PLD1: variants seen among roughly 807,000 people sequenced by gnomAD.
PLD1 encodes the protein choline phosphatase 1.
Under a neutral mutation model 137.1 loss-of-function variants are expected in PLD1, and 112 were observed. The ratio of observed to expected loss-of-function variants is 0.82; its 90% confidence interval spans 0.70 to 0.96. PLD1 has a LOEUF of 0.96. Ranked by LOEUF, PLD1 falls within the 40% of genes least tolerant of loss-of-function variation. PLD1 has a pLI of 0.00. For missense variants in PLD1, 1,321 were observed against 1,342.0 expected (o/e 0.98, Z 0.24); for synonymous variants, 431 against 454.7 (o/e 0.95, Z 0.66).
intron 1 of PLD1, among the ~76,000 whole-genome samples, chr3:171,768,328 C>G (rs1319560276): frequency 2.8e-4 from 43 of 152,254 alleles, no homozygotes. Context: ...CACACAAGCA[C>G]CTGGTTCTTG....
At chr3:171,629,646 T>C (rs1734483477) in intron 23 of PLD1, among the ~76,000 whole-genome samples, 1 of 151,902 alleles carries the variant, frequency 6.6e-6, no homozygotes, top group East Asian at 1.9e-4. Flanking sequence ...AACAGCATGG[T>C]ACTGGTACCA....
chr3:171,762,669 G>T (rs1201819500), intron 1 of PLD1, among the ~76,000 whole-genome samples: 1 of 152,204 alleles, frequency 6.6e-6, no homozygotes, highest in Non-Finnish European at 1.5e-5. Flanking sequence ...AGAGAGGAAG[G>T]GGTATGGTGG....
chr3:171,654,638 A>G (rs959525270), intron 21 of PLD1, among the ~76,000 whole-genome samples: 4 of 152,182 alleles, frequency 2.6e-5, no homozygotes, highest in African/African-American at 9.7e-5. Context: ...TGGCTTAGTC[A>G]AACATGGCAT....
chr3:171,717,873 T>C (rs1455778785), intron 8 of PLD1, among the ~76,000 whole-genome samples: 11 of 152,236 alleles, frequency 7.2e-5, no homozygotes, highest in Admixed American at 6.5e-4. Context: ...TTGTCATAGA[T>C]GGCTCTTATT....
chr3:171,679,376 A>C lies in PLD1; in HGVS notation c.1868-1682T>G, dbSNP rs574474475. On this transcript the variant is annotated intron_variant, in intron 16 of 26. Transcript: ENST00000351298. ...TTCTATTGACTTCTCCCAGTGATTT[A>C]TTTTCCTGCTTTATGAGACTGAAAG... Among the ~76,000 whole-genome samples the C allele has an allele frequency of 3.3e-5, 5 of 152,254 alleles. No homozygotes were observed. In the South Asian group the frequency reaches 1.0e-3, roughly 32 times the overall value.
intron 23 of PLD1, among the ~76,000 whole-genome samples, chr3:171,640,833 C>T (rs569980022): frequency 6.6e-6 from 1 of 152,372 alleles, no homozygotes; most frequent in South Asian, 2.1e-4. Flanking sequence ...AGGGGATCTC[C>T]TTCCTCAGCT....
At chr3:171,713,683 C>T (rs1717440717) in intron 9 of PLD1, among the ~76,000 whole-genome samples, 1 of 152,148 alleles carries the variant, frequency 6.6e-6, no homozygotes, top group African/African-American at 2.4e-5. Context: ...CAAACATCTA[C>T]ATATGGGATT....
intron 21 of PLD1, among the ~76,000 whole-genome samples, chr3:171,652,061 A>G (rs1393837825): frequency 6.6e-6 from 1 of 152,234 alleles, no homozygotes; most frequent in Non-Finnish European, 1.5e-5. Context: ...GAAATCGTAC[A>G]GAGCTTGGGA....
rs1211555827 is a variant in PLD1, at chr3:171,748,705, A to G, written c.-31-10623T>C. Among the ~76,000 whole-genome samples, 18 of 151,810 alleles carry G rather than the reference A, an allele frequency of 1.2e-4. 1 individual carries two copies. Among genetic ancestry groups the G allele is most frequent in the Admixed American group, 1.2e-3 (18 of 15,220 alleles). On this transcript the variant is annotated intron_variant, in intron 1 of 26. Transcript: ENST00000351298. ...GAGGCAGTACAGTACCATGGTAGAT[A>G]TGTGATTTTGAGTGAAGTAACTTGA... is the stretch of plus-strand genomic sequence containing the variant.
chr3:171,676,504 T>C (rs1475624011), intron 18 of PLD1, among the ~76,000 whole-genome samples: 1 of 152,126 alleles, frequency 6.6e-6, no homozygotes, highest in Non-Finnish European at 1.5e-5. Flanking sequence ...CTAGGCACTC[T>C]GAATTGTCTA....
At chr3:171,764,957 A>G (rs760229195) in intron 1 of PLD1, among the ~76,000 whole-genome samples, 1,267 of 66,052 alleles carry the variant, frequency 0.019, 190 homozygotes, top group Middle Eastern at 0.033. Context: ...AAAGAAAGAA[A>G]GAAAGAAAGA....
At chr3:171,715,659 G>C (rs1717625522) in intron 8 of PLD1, among the ~76,000 whole-genome samples, 1 of 151,684 alleles carries the variant, frequency 6.6e-6, no homozygotes, top group African/African-American at 2.4e-5. Context: ...TAGATATCAA[G>C]GTAATTTGAT....
At chr3:171,638,724 T>A (rs1486241426) in intron 23 of PLD1, among the ~76,000 whole-genome samples, 8 of 152,178 alleles carry the variant, frequency 5.3e-5, no homozygotes, top group Non-Finnish European at 1.2e-4. Flanking sequence ...TACAATACCA[T>A]TAATCGTATG....
intron 23 of PLD1, among the ~76,000 whole-genome samples, chr3:171,625,228 C>T (rs548883056): frequency 2.5e-4 from 38 of 152,236 alleles, no homozygotes; most frequent in East Asian, 1.9e-4. Context: ...GAGGCTCCCA[C>T]GCCCACGGAG....
intron 1 of PLD1, among the ~76,000 whole-genome samples, chr3:171,756,103 C>T (rs912406293): frequency 6.6e-6 from 1 of 152,142 alleles, no homozygotes; most frequent in Non-Finnish European, 1.5e-5. Context: ...ACTCCATAAC[C>T]ATGATATGTT....
chr3:171,636,121 T>C (rs1477047365), intron 23 of PLD1, among the ~76,000 whole-genome samples: 3 of 151,810 alleles, frequency 2.0e-5, no homozygotes, highest in Admixed American at 1.3e-4. Flanking sequence ...ATTTTTAGAT[T>C]CTCGACTCTA....
intron 21 of PLD1, among the ~76,000 whole-genome samples, chr3:171,650,887 G>GA (rs1736686438): frequency 5.3e-5 from 8 of 151,742 alleles, no homozygotes; most frequent in African/African-American, 1.9e-4. Context: ...GGGCGACAGA[G>GA]CGAGAATCCG....
intron 23 of PLD1, among the ~76,000 whole-genome samples, chr3:171,620,779 T>TATATATATATATA (rs1560151285): frequency 1.6e-5 from 2 of 128,736 alleles, no homozygotes; most frequent in Non-Finnish European, 3.1e-5. Flanking sequence ...TTATATATAT[T>TATATATATATATA]TTTTTTTTAA....
At chr3:171,645,679 T>C (rs1736141496) in intron 21 of PLD1, among the ~76,000 whole-genome samples, 1 of 151,744 alleles carries the variant, frequency 6.6e-6, no homozygotes, top group Admixed American at 6.6e-5. Context: ...GGTCAAGAAA[T>C]TGAGACCATC....
Sources: gnomAD v4.1 joint callset for allele counts (sites outside exome capture counted in the v4.1 genomes callset) on GRCh38, gnomAD v4.1.1 for gene constraint, MANE v1.5 for transcripts, NCBI Gene and HGNC (gene_info 2026-07-23, HGNC 2026-07-21) for gene names.